WWOX: variants seen among roughly 807,000 people sequenced by gnomAD.
WWOX encodes WW domain containing oxidoreductase.
Under a neutral mutation model 46.2 loss-of-function variants are expected in WWOX, and 69 were observed. The observed-to-expected ratio is 1.49, with a 90% confidence interval of 1.23 to 1.82. The LOEUF (loss-of-function observed/expected upper bound fraction) is 1.82. Among genes scored for constraint, WWOX ranks in the 40% most tolerant of loss-of-function variants. The pLI is 0.00. For missense variants in WWOX, 919 were observed against 542.6 expected (o/e 1.69, Z -6.89); for synonymous variants, 359 against 202.6 (o/e 1.77, Z -6.56).
chr16:78,610,731 T>C (rs923220874), intron 8 of WWOX, among the ~76,000 whole-genome samples: 1 of 152,234 alleles, frequency 6.6e-6, no homozygotes, highest in African/African-American at 2.4e-5. Flanking sequence ...TAGGGATGTA[T>C]CATAATCAAA....
intron 4 of WWOX, among the ~76,000 whole-genome samples, chr16:78,133,859 G>A (rs1042236546): frequency 6.6e-6 from 1 of 152,224 alleles, no homozygotes; most frequent in Admixed American, 6.5e-5. Flanking sequence ...GCTGAGCTGA[G>A]CTTGCAAGGG....
intron 8 of WWOX, among the ~76,000 whole-genome samples, chr16:78,919,821 C>G (rs950938443): frequency 5.9e-5 from 9 of 152,108 alleles, no homozygotes; most frequent in African/African-American, 2.2e-4. Context: ...GACTAAGTGG[C>G]TTTATTTTCT....
intron 5 of WWOX, among the ~76,000 whole-genome samples, chr16:78,324,906 G>T (rs1026270534): frequency 6.6e-6 from 1 of 152,184 alleles, no homozygotes; most frequent in Admixed American, 6.5e-5. Context: ...TTTTAAATGG[G>T]TGAATCGTAT....
rs531371100 is a variant in WWOX at position 78,959,465 on chromosome 16, C to T, written c.1057-252143C>T. On this transcript the variant is annotated intron_variant, in intron 8 of 8. Coordinates refer to ENST00000566780, the MANE Select transcript of WWOX (RefSeq NM_016373.4). The stretch of plus-strand genomic sequence containing the variant: ...CTAATTCAGGTATGATAATAAAAAC[C>T]TTCACAGGGTTAGCCATCCATCTAT... Among the ~76,000 whole-genome samples the T allele has an allele frequency of 1.1e-3, 175 of 152,286 alleles. 1 individual carries two copies. Among genetic ancestry groups the T allele is most frequent in the African/African-American group, 4.1e-3 (169 of 41,572 alleles).
chr16:78,822,371 G>A (rs182348599), intron 8 of WWOX, among the ~76,000 whole-genome samples: 154 of 152,276 alleles, frequency 1.0e-3, no homozygotes, highest in Non-Finnish European at 1.8e-3. Flanking sequence ...GCATGTGCCT[G>A]TAATCTTAGC....
intron 8 of WWOX, among the ~76,000 whole-genome samples, chr16:78,859,904 G>C (rs192442709): frequency 6.6e-6 from 1 of 152,100 alleles, no homozygotes; most frequent in African/African-American, 2.4e-5. Flanking sequence ...TGGTTTCCAA[G>C]TAGACATATT....
intron 8 of WWOX, among the ~76,000 whole-genome samples, chr16:78,846,801 T>TTA (rs1189737479): frequency 1.3e-5 from 2 of 152,222 alleles, no homozygotes; most frequent in Non-Finnish European, 2.9e-5. Context: ...CCTGCAATGA[T>TTA]TAATACTGTG....
At chr16:78,356,620 C>T (rs1054397763) in intron 5 of WWOX, among the ~76,000 whole-genome samples, 2 of 152,142 alleles carry the variant, frequency 1.3e-5, no homozygotes, top group Admixed American at 6.5e-5. Context: ...CGGTGGCTCA[C>T]GCCTGTAATC....
At chr16:79,195,605 G>C (rs557550956) in intron 8 of WWOX, among the ~76,000 whole-genome samples, 1 of 152,170 alleles carries the variant, frequency 6.6e-6, no homozygotes, top group Admixed American at 6.5e-5. Context: ...CTAACTTCAG[G>C]GTATATTCAT....
rs191260971 is a variant in WWOX, at chr16:78,702,120, A to T, written c.1056+269368A>T. Among the ~76,000 whole-genome samples, 81 of 129,960 alleles carry T rather than the reference A, an allele frequency of 6.2e-4. 2 individuals are homozygous for T. Among genetic ancestry groups the T allele is most frequent in the African/African-American group, 2.4e-3 (72 of 30,210 alleles). The allele number at this position is 129,960 out of a possible 152,430, so 85.3% of individuals were successfully genotyped here. A position where few individuals can be genotyped will look rare whatever the true frequency, so the allele number is the denominator to read the frequency against. The stretch of plus-strand genomic sequence containing the variant: ...TAAAGTTATATATATATATATATAT[A>T]TATTTATTTATTTTCAAGACATGGT... On this transcript the variant is annotated intron_variant, in intron 8 of 8. Coordinates refer to ENST00000566780, the MANE Select transcript of WWOX (RefSeq NM_016373.4).
intron 5 of WWOX, among the ~76,000 whole-genome samples, chr16:78,173,175 C>T (rs1013183871): frequency 1.3e-5 from 2 of 152,320 alleles, no homozygotes; most frequent in Admixed American, 6.5e-5. Context: ...CATATGCAGA[C>T]GCAACCCAGT....
chr16:78,801,706 G>A (rs769978293), intron 8 of WWOX, among the ~76,000 whole-genome samples: 2 of 152,116 alleles, frequency 1.3e-5, no homozygotes, highest in Non-Finnish European at 2.9e-5. Context: ...TACCTCTTCC[G>A]AGCAGGTGCA....
At chr16:78,850,665 AG>A (rs2097821430) in intron 8 of WWOX, among the ~76,000 whole-genome samples, 1 of 152,160 alleles carries the variant, frequency 6.6e-6, no homozygotes, top group South Asian at 2.1e-4. Context: ...TGTAATGACG[AG>A]CCTCATCCAG....
At position 78,881,553 on chromosome 16, in the gene WWOX, A is replaced by G. The variant is rs370751867; in HGVS notation, c.1057-330055A>G. Reference sequence around the variant, plus strand: ...CAGGATCCTTGCTGGAATAGTCTCTAACCTCAAGGCAATTGCTGTCTAGCT... The same window carrying G: ...CAGGATCCTTGCTGGAATAGTCTCTGACCTCAAGGCAATTGCTGTCTAGCT... On this transcript the variant is annotated intron_variant, in intron 8 of 8. Transcript: ENST00000566780. Among the ~76,000 whole-genome samples the G allele has an allele frequency of 9.9e-5, 15 of 152,220 alleles. No homozygotes were observed. The East Asian group carries it at 1.7e-3, about 18-fold the overall frequency.
intron 8 of WWOX, among the ~76,000 whole-genome samples, chr16:79,023,090 C>T (rs771056559): frequency 3.3e-4 from 50 of 151,866 alleles, no homozygotes; most frequent in African/African-American, 9.9e-4. Context: ...ATAGCAACAG[C>T]AATCATGTTC....
Position 78,640,471 on chromosome 16 carries a change from G to A in WWOX, c.1056+207719G>A, listed in dbSNP as rs1377360377. ...CTGCACCTCCCAGGCTCCTGCCATT[G>A]ATGTGAGCGGGTTCCTGTACTGCAT... On this transcript the variant is annotated intron_variant, in intron 8 of 8. Coordinates refer to ENST00000566780, the MANE Select transcript of WWOX (RefSeq NM_016373.4). Among the ~76,000 whole-genome samples, 3 of 152,178 alleles carry A rather than the reference G, an allele frequency of 2.0e-5. No individual in the cohort carries two copies. In the East Asian group the frequency reaches 5.8e-4, roughly 30 times the overall value.
chr16:78,424,807 A>G (rs1413694967), intron 6 of WWOX, 63 bp from the exon 7 acceptor site: 11 of 1,587,636 alleles, frequency 6.9e-6, no homozygotes, highest in Non-Finnish European at 9.5e-6. Flanking sequence ...TTCCCGAAGG[A>G]GCATGGATTA....
chr16:78,419,632 A>AT (rs1567561322), intron 6 of WWOX, among the ~76,000 whole-genome samples: 9 of 145,378 alleles, frequency 6.2e-5, no homozygotes, highest in Non-Finnish European at 1.3e-4. Flanking sequence ...TAGCAAAAAA[A>AT]AAAAAAAAAA....
In WWOX at chr16:78,118,091, C is replaced by A. The variant is rs139661882; in HGVS notation, c.409+2937C>A. Among the ~76,000 whole-genome samples the A allele has an allele frequency of 4.6e-3, 697 of 150,536 alleles. 2 individuals carry two copies. The highest frequency in any genetic ancestry group is 0.017 in the Middle Eastern group (5 of 294). Reference sequence around the variant, plus strand: ...ATATGACGCTGCTTTGTTGGAATTGCCATTGGTGAGGATCTCACTGATAAA... The same window carrying A: ...ATATGACGCTGCTTTGTTGGAATTGACATTGGTGAGGATCTCACTGATAAA... On this transcript the variant is annotated intron_variant, in intron 4 of 8. Coordinates refer to ENST00000566780, the MANE Select transcript of WWOX (RefSeq NM_016373.4).
Sources: allele counts gnomAD v4.1 joint callset (sites outside exome capture counted in the v4.1 genomes callset), GRCh38; gene constraint gnomAD v4.1.1; transcripts MANE v1.5; gene names NCBI Gene and HGNC (gene_info 2026-07-23, HGNC 2026-07-21).